Variants in ZNF704 observed in about 807,000 individuals in gnomAD.
ZNF704 encodes zinc finger protein 704, also known as glucocorticoid induced gene 1.
ZNF704 carries 10 observed loss-of-function variants against 44.7 expected under a neutral mutation model. The observed-to-expected ratio is 0.22, with a 90% CI of 0.14 to 0.38. ZNF704 has a LOEUF of 0.38. Among genes scored for constraint, ZNF704 ranks in the 10% least tolerant of loss-of-function variants. The pLI is 1.00. For missense variants in ZNF704, 390 were observed against 545.5 expected (o/e 0.71, Z 2.84); for synonymous variants, 211 against 207.6 (o/e 1.02, Z -0.14).
chr8:80,655,584 C>A (rs1293376755), intron 7 of ZNF704, among the ~76,000 whole-genome samples: 1 of 152,130 alleles, frequency 6.6e-6, no homozygotes, highest in African/African-American at 2.4e-5. Context: ...GTGTGAACGA[C>A]ACAACTCTAA....
At chr8:80,880,715 A>T in the ZNF704 span, among the ~76,000 whole-genome samples, 3 of 152,362 alleles carry the variant, frequency 2.0e-5, no homozygotes, top group African/African-American at 7.2e-5. Flanking sequence ...AGCCATTTTA[A>T]ACTTGATACC....
At chr8:80,765,700 G>A (rs973069331) in intron 2 of ZNF704, among the ~76,000 whole-genome samples, 1 of 151,994 alleles carries the variant, frequency 6.6e-6, no homozygotes, top group African/African-American at 2.4e-5. Flanking sequence ...TACAGTTTAG[G>A]GATTTTGACC....
intron 1 of ZNF704, among the ~76,000 whole-genome samples, chr8:80,863,251 G>A (rs1809099894): frequency 6.6e-6 from 1 of 152,056 alleles, no homozygotes; most frequent in African/African-American, 2.4e-5. Context: ...GCAAAAAATT[G>A]TTAAAAATAA....
At chr8:80,828,829 C>T (rs1252958994) in intron 1 of ZNF704, among the ~76,000 whole-genome samples, 3 of 152,118 alleles carry the variant, frequency 2.0e-5, no homozygotes, top group African/African-American at 7.2e-5. Context: ...CTGCATCTGC[C>T]CCAACATGAG....
rs1817559087 is a variant in ZNF704 at position 80,630,057 on chromosome 8, C to T, written c.*11309G>A. The T allele has an allele frequency of 6.6e-6, 1 of 152,196 alleles. No individual in the cohort carries two copies. The highest frequency in any genetic ancestry group is 2.1e-4 in the South Asian group (1 of 4,826). The allele number at this position is 152,196 out of a possible 1,614,324, so 9.4% of individuals were successfully genotyped here. ...CATCAAGTAGGAGAATATAGATGGG[C>T]TTCCCATATCCCCATAAGGATATGT... On this transcript the variant is annotated 3_prime_UTR_variant, in exon 9 of 9. Transcript: ENST00000327835.
At chr8:80,715,075 C>T (rs1819051072) in intron 2 of ZNF704, among the ~76,000 whole-genome samples, 2 of 152,164 alleles carry the variant, frequency 1.3e-5, no homozygotes, top group South Asian at 2.1e-4. Flanking sequence ...CATTAAAATA[C>T]AGGCCAAATA....
chr8:80,829,513 C>T (rs1488920760), intron 1 of ZNF704, among the ~76,000 whole-genome samples: 1 of 152,094 alleles, frequency 6.6e-6, no homozygotes, highest in African/African-American at 2.4e-5. Context: ...TCCATGCCTC[C>T]CTTGGGGCCA....
chr8:80,883,859 C>T, the ZNF704 span, among the ~76,000 whole-genome samples: 1 of 152,188 alleles, frequency 6.6e-6, no homozygotes, highest in African/African-American at 2.4e-5. Context: ...GTCAAAAGCT[C>T]CTAATCTATC....
At chr8:80,642,314 C>A (rs1236101215) in intron 8 of ZNF704, among the ~76,000 whole-genome samples, 1 of 152,132 alleles carries the variant, frequency 6.6e-6, no homozygotes. Context: ...TTAAAGGAAG[C>A]ACTTTATAGC....
chr8:80,713,724 C>T (rs1355931007), intron 2 of ZNF704, among the ~76,000 whole-genome samples: 1 of 152,232 alleles, frequency 6.6e-6, no homozygotes, highest in Non-Finnish European at 1.5e-5. Context: ...TTAATCTACA[C>T]ATTTCTTTTT....
At chr8:80,664,365 G>C (rs1818152748) in intron 6 of ZNF704, among the ~76,000 whole-genome samples, 1 of 151,214 alleles carries the variant, frequency 6.6e-6, no homozygotes, top group African/African-American at 2.4e-5. Context: ...TCTGCCTCCT[G>C]GGTTCAAGTG....
chr8:80,725,672 T>G (rs1806466799), intron 2 of ZNF704, among the ~76,000 whole-genome samples: 1 of 152,112 alleles, frequency 6.6e-6, no homozygotes, highest in Admixed American at 6.6e-5. Context: ...GAGTCAGCAA[T>G]GAAACAGAGA....
At chr8:80,732,828 C>T (rs191323978) in intron 2 of ZNF704, among the ~76,000 whole-genome samples, 4 of 151,896 alleles carry the variant, frequency 2.6e-5, no homozygotes, top group East Asian at 3.9e-4. Context: ...TGGTGGCATG[C>T]GCCTGTATGC....
At chr8:80,701,236 C>G (rs1315972850) in intron 2 of ZNF704, among the ~76,000 whole-genome samples, 1 of 152,038 alleles carries the variant, frequency 6.6e-6, no homozygotes, top group South Asian at 2.1e-4. Flanking sequence ...ATCCTCGGCA[C>G]GCATCCTACC....
chr8:80,761,409 T>C (rs944277624), intron 2 of ZNF704, among the ~76,000 whole-genome samples: 1 of 152,170 alleles, frequency 6.6e-6, no homozygotes, highest in African/African-American at 2.4e-5. Flanking sequence ...AAATTCTAAC[T>C]ATAAATTTAA....
intron 3 of ZNF704, among the ~76,000 whole-genome samples, chr8:80,692,643 G>T (rs894212198): frequency 6.6e-6 from 1 of 152,170 alleles, no homozygotes; most frequent in African/African-American, 2.4e-5. Flanking sequence ...TGATCCAACT[G>T]CCTCCCCAGT....
chr8:80,713,398 T>C (rs2131662212), intron 2 of ZNF704, among the ~76,000 whole-genome samples: 1 of 152,372 alleles, frequency 6.6e-6, no homozygotes, highest in South Asian at 2.1e-4. Context: ...GCTCGAATTA[T>C]AGATTTCATC....
intron 2 of ZNF704, among the ~76,000 whole-genome samples, chr8:80,817,971 TA>T: frequency 6.6e-6 from 1 of 152,198 alleles, no homozygotes; most frequent in Non-Finnish European, 1.5e-5. Flanking sequence ...TCATCATTTT[TA>T]CTGAGTACTG....
chr8:80,735,527 T>C (rs1285183941), intron 2 of ZNF704, among the ~76,000 whole-genome samples: 2 of 152,292 alleles, frequency 1.3e-5, no homozygotes, highest in African/African-American at 4.8e-5. Context: ...CTTTTAAATA[T>C]ATTCAACTTA....
Sources: allele counts gnomAD v4.1 joint callset (sites outside exome capture counted in the v4.1 genomes callset), GRCh38; gene constraint gnomAD v4.1.1; transcripts MANE v1.5; gene names NCBI Gene and HGNC (gene_info 2026-07-23, HGNC 2026-07-21).